The following ARL15 variants were observed in gnomAD, a reference collection of about 807,000 sequenced individuals.
ARL15 encodes ADP-ribosylation factor-like protein 15.
A neutral mutation model predicts 25.2 loss-of-function variants in ARL15; 19 were observed. The ratio of observed to expected loss-of-function variants is 0.75; its 90% CI spans 0.53 to 1.10. The LOEUF is 1.10. ARL15 is among the 50% of genes least tolerant of loss of function. The pLI is 0.00. For synonymous variants in ARL15, 94 were observed against 86.8 expected (o/e 1.08, Z -0.46); for missense variants, 220 against 246.0 (o/e 0.89, Z 0.71).
chr5:54,164,522 G>C (rs1299778515), intron 2 of ARL15, among the ~76,000 whole-genome samples: 6 of 151,738 alleles, frequency 4.0e-5, no homozygotes, highest in Admixed American at 3.9e-4. Context: ...TCATTTTTTT[G>C]TTTCATATAT....
rs146349415 is a variant in ARL15, at chr5:54,079,833, G to A, written c.462+33369C>T. ...AAAAATACAAAAAATAGCCAGGCCT[G>A]GTGGCACATGCCTGTAATACCAGCC... On this transcript the variant is annotated intron_variant, in intron 4 of 4. Coordinates refer to ENST00000504924, the MANE Select transcript of ARL15 (RefSeq NM_019087.3). Among the ~76,000 whole-genome samples the A allele has an allele frequency of 1.9e-3, 293 of 152,124 alleles. 1 individual carries two copies. Among genetic ancestry groups the A allele is most frequent in the African/African-American group, 6.9e-3 (285 of 41,514 alleles).
At chr5:54,239,115 G>A (rs1056414875) in intron 1 of ARL15, among the ~76,000 whole-genome samples, 1 of 152,042 alleles carries the variant, frequency 6.6e-6, no homozygotes. Context: ...TGGTGGAAAC[G>A]ACATTTAGGT....
intron 4 of ARL15, among the ~76,000 whole-genome samples, chr5:54,089,910 C>T (rs1185377404): frequency 6.6e-6 from 1 of 152,126 alleles, no homozygotes; most frequent in Non-Finnish European, 1.5e-5. Flanking sequence ...TAGAAAATGT[C>T]ACTTTATGCA....
Position 54,056,975 on chromosome 5 carries a change from T to A in ARL15, c.462+56227A>T, listed in dbSNP as rs148509553. Among the ~76,000 whole-genome samples, 41 of 151,444 alleles carry A rather than the reference T, an allele frequency of 2.7e-4. No homozygotes were observed. The East Asian group carries it at 8.0e-3, about 30-fold the overall frequency. On this transcript the variant is annotated intron_variant, in intron 4 of 4. Transcript: ENST00000504924. ...AAACATATACACATGTGCACATACATGAACATACACATACGAACATAGAAT... is the reference window on the plus strand; with the variant it reads ...AAACATATACACATGTGCACATACAAGAACATACACATACGAACATAGAAT...
chr5:54,120,929 C>G (rs1269074302), intron 3 of ARL15, among the ~76,000 whole-genome samples: 1 of 152,194 alleles, frequency 6.6e-6, no homozygotes. Context: ...ATTTCCCCAA[C>G]CAGTATTTTT....
intron 2 of ARL15, among the ~76,000 whole-genome samples, 165 bp from the exon 3 acceptor site, chr5:54,154,804 A>G (rs1240224933): frequency 6.6e-6 from 1 of 152,152 alleles, no homozygotes; most frequent in Non-Finnish European, 1.5e-5. Flanking sequence ...TGATAACTGA[A>G]TATTATCTTC....
At chr5:54,231,324 A>G (rs939653136) in intron 1 of ARL15, among the ~76,000 whole-genome samples, 8 of 152,114 alleles carry the variant, frequency 5.3e-5, no homozygotes, top group African/African-American at 1.9e-4. Flanking sequence ...TCTCGAAACC[A>G]AGTTTCTCTC....
At chr5:54,168,809 T>G (rs1285864196) in intron 2 of ARL15, among the ~76,000 whole-genome samples, 2 of 152,210 alleles carry the variant, frequency 1.3e-5, no homozygotes, top group Non-Finnish European at 2.9e-5. Context: ...ATGATCACTC[T>G]CCTCTTTTAA....
rs1053891094 is a variant in ARL15, at chr5:54,244,795, G to A, written c.48+65637C>T. Among the ~76,000 whole-genome samples the A allele has an allele frequency of 1.5e-3, 135 of 89,256 alleles. 1 individual carries two copies. The highest frequency in any genetic ancestry group is 2.9e-3 in the Non-Finnish European group (104 of 35,710). 58.6% of individuals were successfully genotyped at this position (89,256 alleles called of 152,430 possible). Reference sequence around the variant, plus strand: ...CATTACGTAAACAAAGAAAAAGGTAGCCATAAAAAAAAAAAACATCAGAAG... The same window carrying A: ...CATTACGTAAACAAAGAAAAAGGTAACCATAAAAAAAAAAAACATCAGAAG... On this transcript the variant is annotated intron_variant, in intron 1 of 4. Coordinates refer to ENST00000504924, the MANE Select transcript of ARL15 (RefSeq NM_019087.3).
chr5:54,029,354 CACCACCACCACCACCACCACCACT>C (rs1323773303), intron 4 of ARL15, among the ~76,000 whole-genome samples: 18 of 135,340 alleles, frequency 1.3e-4, no homozygotes, highest in Non-Finnish European at 2.4e-4. Context: ...CCACCACCAC[CACCACCACCACCACCACCACCACT>C]ACACCTAGAG....
chr5:54,303,562 A>C (rs144894082), intron 1 of ARL15, among the ~76,000 whole-genome samples: 5 of 149,364 alleles, frequency 3.3e-5, no homozygotes, highest in Admixed American at 6.7e-5. Flanking sequence ...GACTTGGGGC[A>C]GGTAGGAATG....
intron 4 of ARL15, among the ~76,000 whole-genome samples, chr5:54,092,047 AACACACAC>A (rs758037549): frequency 2.1e-5 from 3 of 146,232 alleles, no homozygotes; most frequent in Admixed American, 6.8e-5. Context: ...TCAAATTGAA[AACACACAC>A]ACACACACAC....
At chr5:54,204,418 C>T (rs186746054) in intron 1 of ARL15, among the ~76,000 whole-genome samples, 4 of 152,286 alleles carry the variant, frequency 2.6e-5, no homozygotes, top group Admixed American at 2.6e-4. Flanking sequence ...GCTGAGAAGC[C>T]AGTCTTAAAC....
At chr5:53,929,446 G>A (rs1019617844) in intron 4 of ARL15, among the ~76,000 whole-genome samples, 3 of 152,116 alleles carry the variant, frequency 2.0e-5, no homozygotes, top group Admixed American at 6.5e-5. Flanking sequence ...ATTTAAAGAT[G>A]AGCATAGTGA....
At chr5:54,174,939 A>C (rs1371568173) in intron 1 of ARL15, among the ~76,000 whole-genome samples, 1 of 152,208 alleles carries the variant, frequency 6.6e-6, no homozygotes, top group Non-Finnish European at 1.5e-5. Flanking sequence ...TTTGGGGTTC[A>C]AGGAGGAGAG....
At chr5:54,149,481 T>G (rs536039254) in intron 3 of ARL15, among the ~76,000 whole-genome samples, 11 of 152,122 alleles carry the variant, frequency 7.2e-5, no homozygotes, top group South Asian at 2.1e-4. Flanking sequence ...TGCACAGAAT[T>G]GAGAGGCGGC....
chr5:54,029,367 A>ACCACCACCC (rs1749899582), intron 4 of ARL15, among the ~76,000 whole-genome samples: 1 of 120,896 alleles, frequency 8.3e-6, no homozygotes, highest in South Asian at 3.1e-4. Context: ...CACCACCACC[A>ACCACCACCC]CCACCACCAC....
At chr5:53,982,396 T>C (rs1748152964) in intron 4 of ARL15, among the ~76,000 whole-genome samples, 2 of 148,032 alleles carry the variant, frequency 1.4e-5, no homozygotes, top group African/African-American at 5.0e-5. Flanking sequence ...CCGTGTGTTC[T>C]CACTGTTCAA....
intron 4 of ARL15, among the ~76,000 whole-genome samples, chr5:54,105,736 C>T (rs769872919): frequency 6.6e-6 from 1 of 152,080 alleles, no homozygotes; most frequent in African/African-American, 2.4e-5. Context: ...GGGCGCGCCA[C>T]CATGCCCAGC....
Sources: gnomAD v4.1 joint callset for allele counts (sites outside exome capture counted in the v4.1 genomes callset) on GRCh38, gnomAD v4.1.1 for gene constraint, MANE v1.5 for transcripts, NCBI Gene and HGNC (gene_info 2026-07-23, HGNC 2026-07-21) for gene names.